The following PTPRG variants were observed in gnomAD, a reference collection of about 807,000 sequenced individuals.
PTPRG encodes the protein protein tyrosine phosphatase receptor type G.
In PTPRG, 102 loss-of-function variants were observed where a neutral mutation model predicts 165.3. The observed-to-expected ratio is 0.62, with a 90% CI of 0.53 to 0.73. The LOEUF (loss-of-function observed/expected upper bound fraction) is 0.73. Among genes scored for constraint, PTPRG ranks in the 30% least tolerant of loss-of-function variants. The pLI, the probability that PTPRG is intolerant of heterozygous loss-of-function variation, is 0.00. For missense variants in PTPRG, 1,866 were observed against 1,861.4 expected, an observed-to-expected ratio of 1.00 and a Z score of -0.05; for synonymous variants, 675 against 669.5, an observed-to-expected ratio of 1.01 and a Z score of -0.13.
chr3:61,761,682 T>A (rs1349125579), intron 2 of PTPRG, among the ~76,000 whole-genome samples: 1 of 152,174 alleles, frequency 6.6e-6, no homozygotes, highest in Non-Finnish European at 1.5e-5. Flanking sequence ...TTGAATTGAG[T>A]TGATCTTGAG....
intron 2 of PTPRG, among the ~76,000 whole-genome samples, chr3:61,923,150 T>C (rs1359607739): frequency 1.3e-5 from 2 of 152,220 alleles, no homozygotes; most frequent in Non-Finnish European, 2.9e-5. Context: ...AAGTTAATGC[T>C]GTGACATACC....
At chr3:61,749,892 T>G (rs1328240215) in intron 2 of PTPRG, 1 of 152,210 alleles carries the variant, frequency 6.6e-6, no homozygotes, top group African/African-American at 2.4e-5. Flanking sequence ...AAGTATTCTT[T>G]TCATAATGAT....
chr3:61,703,404 G>A (rs116095506), intron 1 of PTPRG, among the ~76,000 whole-genome samples: 3,173 of 152,288 alleles, frequency 0.021, 113 homozygotes, highest in African/African-American at 0.073. Flanking sequence ...TGAGAGAGTA[G>A]CTGTGTCAAC....
chr3:61,713,031 C>G (rs2031638956), intron 1 of PTPRG, among the ~76,000 whole-genome samples: 1 of 152,090 alleles, frequency 6.6e-6, no homozygotes, highest in South Asian at 2.1e-4. Flanking sequence ...CCCAAGTACC[C>G]CCTTTCATCA....
At position 61,817,191 on chromosome 3, in the gene PTPRG, AAT is replaced by A. The variant is rs1441991806; in HGVS notation, c.190+68217_190+68218del. Among the ~76,000 whole-genome samples the A allele has an allele frequency of 7.3e-4, 58 of 79,178 alleles. 1 individual carries two copies. Among genetic ancestry groups the A allele is most frequent in the East Asian group, 5.7e-3 (12 of 2,116 alleles). The allele number at this position is 79,178 out of a possible 152,430, so 51.9% of individuals were successfully genotyped here. On this transcript the variant is annotated intron_variant, in intron 2 of 29. Transcript: ENST00000474889. Reference sequence around the variant, plus strand: ...TATAATAATATATAATATATAAAATAATATATATAATAATATAATAATATATA... The same window carrying A: ...TATAATAATATATAATATATAAAATAATATATAATAATATAATAATATATA...
intron 8 of PTPRG, among the ~76,000 whole-genome samples, chr3:62,185,579 A>G (rs9857089): frequency 0.29 from 43,378 of 151,958 alleles, 7,017 homozygotes; most frequent in African/African-American, 0.44. Context: ...GGAGTGGTGG[A>G]GACTATGGCA....
intron 2 of PTPRG, among the ~76,000 whole-genome samples, chr3:61,839,829 C>T (rs72880489): frequency 2.4e-3 from 369 of 152,246 alleles, no homozygotes; most frequent in African/African-American, 8.4e-3. Context: ...ACTCTCACCC[C>T]CTTCCCCCTC....
intron 4 of PTPRG, among the ~76,000 whole-genome samples, chr3:62,058,674 G>A (rs1016234463): frequency 6.6e-6 from 1 of 152,100 alleles, no homozygotes; most frequent in Non-Finnish European, 1.5e-5. Context: ...ATGTGTAGGT[G>A]CTGTTGTTAG....
At chr3:61,992,421 A>G (rs1426386427) in intron 3 of PTPRG, among the ~76,000 whole-genome samples, 2 of 152,106 alleles carry the variant, frequency 1.3e-5, no homozygotes, top group Non-Finnish European at 2.9e-5. Context: ...TTCAGTTGGC[A>G]TGATCTCAGC....
intron 1 of PTPRG, among the ~76,000 whole-genome samples, chr3:61,666,031 G>A (rs12715573): frequency 0.96 from 145,599 of 151,370 alleles, 70,207 homozygotes; most frequent in Non-Finnish European, 1. Context: ...ACTGGGAACT[G>A]GAAACAGGTG....
chr3:61,699,090 C>T (rs1320281793), intron 1 of PTPRG, among the ~76,000 whole-genome samples: 1 of 152,046 alleles, frequency 6.6e-6, no homozygotes, highest in African/African-American at 2.4e-5. Context: ...TTAATGGGTG[C>T]AGCACAGCAA....
intron 1 of PTPRG, among the ~76,000 whole-genome samples, chr3:61,694,025 A>AAGAG (rs770989000): frequency 2.5e-4 from 36 of 145,992 alleles, no homozygotes; most frequent in African/African-American, 3.3e-4. Flanking sequence ...AAAAAAAAAA[A>AAGAG]AGAGAGAGAG....
intron 2 of PTPRG, among the ~76,000 whole-genome samples, chr3:61,805,830 T>G (rs1274242796): frequency 6.6e-6 from 1 of 152,202 alleles, no homozygotes; most frequent in Non-Finnish European, 1.5e-5. Flanking sequence ...TAGTGTAATG[T>G]GATTTCTTGA....
At chr3:61,857,952 A>G (rs1379044893) in intron 2 of PTPRG, among the ~76,000 whole-genome samples, 1 of 151,704 alleles carries the variant, frequency 6.6e-6, no homozygotes, top group East Asian at 1.9e-4. Context: ...AGTCACTGAC[A>G]CCTCCCTCTT....
At chr3:61,562,797 G>A (rs1185747114) in intron 1 of PTPRG, among the ~76,000 whole-genome samples, 2 of 152,176 alleles carry the variant, frequency 1.3e-5, no homozygotes, top group Admixed American at 1.3e-4. Context: ...TCGCTCTGGC[G>A]GGTATTGAAG....
At position 62,059,292 on chromosome 3, in the gene PTPRG, C is replaced by T. The variant is rs147747214; in HGVS notation, c.520-18871C>T. Among the ~76,000 whole-genome samples the T allele has an allele frequency of 8.9e-3, 1,354 of 152,306 alleles. 11 individuals are homozygous for T. The highest frequency in any genetic ancestry group is 0.014 in the Non-Finnish European group (981 of 68,020). On this transcript the variant is annotated intron_variant, in intron 4 of 29. Transcript: ENST00000474889. ...TAGATGATTCTTAGACTTGGACTCT[C>T]TCAAATTCTGGTTCCTCATTCCATT...
chr3:62,036,728 G>C (rs1699951745), intron 4 of PTPRG, among the ~76,000 whole-genome samples: 1 of 152,146 alleles, frequency 6.6e-6, no homozygotes, highest in Non-Finnish European at 1.5e-5. Flanking sequence ...AGGAAGCAGT[G>C]TAAATAAACA....
intron 2 of PTPRG, among the ~76,000 whole-genome samples, chr3:61,754,382 A>C (rs111717148): frequency 6.2e-4 from 95 of 152,206 alleles, no homozygotes; most frequent in African/African-American, 2.0e-3. Flanking sequence ...GTGGCTCTTC[A>C]TTATATGCCA....
chr3:62,018,667 G>A (rs919427645), intron 4 of PTPRG, among the ~76,000 whole-genome samples: 2 of 152,120 alleles, frequency 1.3e-5, no homozygotes, highest in Non-Finnish European at 2.9e-5. Flanking sequence ...AACTCATCAG[G>A]TAATGCCCCA....
Sources: allele counts gnomAD v4.1 joint callset (sites outside exome capture counted in the v4.1 genomes callset), GRCh38; gene constraint gnomAD v4.1.1; transcripts MANE v1.5; gene names NCBI Gene and HGNC (gene_info 2026-07-23, HGNC 2026-07-21).